TSNARE1: variants seen among roughly 807,000 people sequenced by gnomAD.
TSNARE1 encodes t-SNARE domain-containing protein 1.
Under a neutral mutation model 62.0 loss-of-function variants are expected in TSNARE1, and 49 were observed. The ratio of observed to expected loss-of-function variants is 0.79; its 90% CI spans 0.63 to 1.00. The LOEUF is 1.00. TSNARE1 is among the 50% of genes least tolerant of loss of function. The pLI is 0.00. For synonymous variants in TSNARE1, 328 were observed against 294.4 expected (o/e 1.11, Z -1.17); for missense variants, 755 against 700.1 (o/e 1.08, Z -0.88).
At chr8:142,284,573 GGGCCCAGGTGGCA>G in intron 10 of TSNARE1, 88 bp from the exon 11 acceptor site, 1 of 1,063,558 alleles carries the variant, frequency 9.4e-7, no homozygotes, top group Non-Finnish European at 1.5e-6. Flanking sequence ...AACCTGGGGC[GGGCCCAGGTGGCA>G]CCTGCAGAAT....
chr8:142,379,508 G>A (rs1320673312), intron 1 of TSNARE1, among the ~76,000 whole-genome samples: 2 of 152,252 alleles, frequency 1.3e-5, no homozygotes, highest in Non-Finnish European at 2.9e-5. Flanking sequence ...ACTCCTGCCA[G>A]GGGCACGATG....
At chr8:142,382,492 C>T (rs1836840280) in intron 1 of TSNARE1, among the ~76,000 whole-genome samples, 1 of 152,176 alleles carries the variant, frequency 6.6e-6, no homozygotes, top group Admixed American at 6.5e-5. Context: ...AAGATGCCAG[C>T]GCCTGAGTCA....
chr8:142,328,656 T>G (rs1215016004), intron 6 of TSNARE1, among the ~76,000 whole-genome samples: 1 of 152,122 alleles, frequency 6.6e-6, no homozygotes, highest in South Asian at 2.1e-4. Flanking sequence ...ACACCAGGGG[T>G]GCGCCAGCCC....
intron 8 of TSNARE1, among the ~76,000 whole-genome samples, 170 bp from the exon 9 acceptor site, chr8:142,314,610 G>A (rs1163777513): frequency 2.6e-5 from 4 of 151,936 alleles, no homozygotes; most frequent in African/African-American, 9.7e-5. Context: ...GCGACTCGCT[G>A]GATGGCCTCT....
upstream of TSNARE1, chr8:142,406,586 CGAG>C (rs1004242722): frequency 1.3e-5 from 2 of 152,258 alleles, no homozygotes; most frequent in African/African-American, 4.8e-5. Context: ...AATAAAAAGA[CGAG>C]GAGGAGAAGA....
At chr8:142,286,977 A>C (rs1226864296) in intron 10 of TSNARE1, among the ~76,000 whole-genome samples, 1 of 152,214 alleles carries the variant, frequency 6.6e-6, no homozygotes, top group Non-Finnish European at 1.5e-5. Flanking sequence ...GGAAGACGGA[A>C]CCTGAGTCAC....
At chr8:142,299,671 G>A (rs550126854) in intron 10 of TSNARE1, among the ~76,000 whole-genome samples, 7 of 151,860 alleles carry the variant, frequency 4.6e-5, no homozygotes, top group South Asian at 2.1e-4. Context: ...ATGCACACAC[G>A]CACTCACATG....
chr8:142,270,834 G>A (rs1322976211), intron 12 of TSNARE1: 16 of 985,278 alleles, frequency 1.6e-5, no homozygotes, highest in Non-Finnish European at 1.7e-5. Flanking sequence ...GAGTAGACCT[G>A]GTCCACTGAG....
intron 2 of TSNARE1, among the ~76,000 whole-genome samples, chr8:142,349,146 C>T (rs1833766608): frequency 6.6e-6 from 1 of 152,220 alleles, no homozygotes; most frequent in Non-Finnish European, 1.5e-5. Context: ...CGACGATTTT[C>T]AACAAACCGG....
intron 11 of TSNARE1, chr8:142,278,817 G>A (rs1171341858): frequency 5.1e-6 from 5 of 985,224 alleles, no homozygotes; most frequent in East Asian, 1.1e-4. Context: ...CAGAGGGAGG[G>A]GCCTGCAGAA....
At chr8:142,276,855 A>C in intron 11 of TSNARE1, 1 of 985,414 alleles carries the variant, frequency 1.0e-6, no homozygotes, top group Non-Finnish European at 1.2e-6. Context: ...GGCACTGCCC[A>C]CATTCAAGAC....
At chr8:142,251,226 C>T (rs76815107) in intron 12 of TSNARE1, among the ~76,000 whole-genome samples, 1 of 151,970 alleles carries the variant, frequency 6.6e-6, no homozygotes, top group Non-Finnish European at 1.5e-5. Flanking sequence ...GTCTCCAGAC[C>T]CCGGCCCCCC....
intron 1 of TSNARE1, among the ~76,000 whole-genome samples, chr8:142,395,335 G>A (rs972533081): frequency 2.0e-5 from 3 of 152,174 alleles, no homozygotes; most frequent in African/African-American, 4.8e-5. Flanking sequence ...CAGGCCCTCA[G>A]GATGAGGGGA....
intron 13 of TSNARE1, among the ~76,000 whole-genome samples, chr8:142,213,050 C>G (rs1290515698): frequency 2.6e-5 from 1 of 37,870 alleles, no homozygotes; most frequent in East Asian, 7.1e-4. Flanking sequence ...CTCCCCCTCC[C>G]TTCCCCCTCC....
chr8:142,361,918 AT>A (rs2130883283), intron 1 of TSNARE1, among the ~76,000 whole-genome samples: 1 of 152,256 alleles, frequency 6.6e-6, no homozygotes, highest in East Asian at 1.9e-4. Context: ...CACAACACAA[AT>A]TTCTGCTCTC....
At chr8:142,241,656 G>A (rs7832212) in intron 12 of TSNARE1, among the ~76,000 whole-genome samples, 83,579 of 152,032 alleles carry the variant, frequency 0.55, 24,449 homozygotes, top group African/African-American at 0.75. Flanking sequence ...AAAAACAGAC[G>A]TACAGACCAA....
intron 11 of TSNARE1, chr8:142,279,717 G>A: frequency 4.1e-6 from 1 of 244,866 alleles, no homozygotes; most frequent in Non-Finnish European, 6.5e-6. Flanking sequence ...GAGGGTGGCG[G>A]GCCATCTCCA....
In TSNARE1 at chr8:142,228,468, G is replaced by T. The variant is rs1276144843; in HGVS notation, c.*11+1005C>A. On this transcript the variant is annotated intron_variant, in intron 13 of 13. Transcript: ENST00000524325. ...CTCCCTGCCTACAGGAGCTGGTGAA[G>T]CTTCCTGATGAGCTCTCCTCACTGA... 2.0e-5 allele frequency among the ~76,000 whole-genome samples: 3 copies of T among 152,228 alleles called. No homozygotes were observed. The East Asian group carries it at 5.8e-4, about 29-fold the overall frequency.
At chr8:142,340,410 G>T (rs995061242) in intron 4 of TSNARE1, among the ~76,000 whole-genome samples, 1 of 152,148 alleles carries the variant, frequency 6.6e-6, no homozygotes, top group Non-Finnish European at 1.5e-5. Context: ...CAGGCAGACC[G>T]CAGACTAGAG....
Sources: gnomAD v4.1 joint callset for allele counts (sites outside exome capture counted in the v4.1 genomes callset) on GRCh38, gnomAD v4.1.1 for gene constraint, MANE v1.5 for transcripts, NCBI Gene and HGNC (gene_info 2026-07-23, HGNC 2026-07-21) for gene names.